RSU1: variants seen among roughly 807,000 people sequenced by gnomAD.
RSU1 encodes Ras suppressor protein 1, also known as rsu-1.
In RSU1, 26 loss-of-function variants were observed where a neutral mutation model predicts 31.1. The ratio of observed to expected loss-of-function variants is 0.84; its 90% CI spans 0.61 to 1.16. The LOEUF is 1.16. RSU1 is among the 50% of genes most tolerant of loss of function. The pLI, the probability that RSU1 is intolerant of heterozygous loss-of-function variation, is 0.00. For missense variants in RSU1, 320 were observed against 339.1 expected, an observed-to-expected ratio of 0.94 and a Z score of 0.44; for synonymous variants, 164 against 136.3, an observed-to-expected ratio of 1.20 and a Z score of -1.41.
At chr10:16,764,334 C>T (rs766524118) in intron 4 of RSU1, 56 bp downstream of exon 4, 135 of 1,509,708 alleles carry the variant, frequency 8.9e-5, no homozygotes, top group Admixed American at 1.6e-4. Context: ...TGGCCTTACC[C>T]GGCATGCCCC....
intron 7 of RSU1, among the ~76,000 whole-genome samples, chr10:16,715,279 T>A (rs1035146967): frequency 6.6e-6 from 1 of 152,236 alleles, no homozygotes; most frequent in African/African-American, 2.4e-5. Context: ...TGATGTTGTC[T>A]TTTGATGCAC....
intron 8 of RSU1, among the ~76,000 whole-genome samples, chr10:16,643,731 G>T (rs554972981): frequency 1.3e-5 from 2 of 152,030 alleles, no homozygotes; most frequent in East Asian, 3.9e-4. Flanking sequence ...CTCCAAATGC[G>T]CATACTAAGA....
At chr10:16,700,693 T>C (rs1835774575) in intron 7 of RSU1, among the ~76,000 whole-genome samples, 1 of 152,108 alleles carries the variant, frequency 6.6e-6, no homozygotes, top group Non-Finnish European at 1.5e-5. Context: ...CTTTACTGAG[T>C]GGAAAATGAT....
chr10:16,714,925 G>C (rs1479179622), intron 7 of RSU1, among the ~76,000 whole-genome samples: 2 of 152,130 alleles, frequency 1.3e-5, no homozygotes, highest in African/African-American at 4.8e-5. Flanking sequence ...GTGAAGTTTA[G>C]GGGACTCCTA....
At chr10:16,721,837 T>C (rs1252348393) in intron 7 of RSU1, 1 of 152,180 alleles carries the variant, frequency 6.6e-6, no homozygotes, top group African/African-American at 2.4e-5. Flanking sequence ...TCTCTGCATC[T>C]CAGTTGCCTC....
At chr10:16,758,301 G>C in intron 4 of RSU1, among the ~76,000 whole-genome samples, 1 of 152,176 alleles carries the variant, frequency 6.6e-6, no homozygotes. Flanking sequence ...TGACATGGTG[G>C]GTTCTCTCTC....
At chr10:16,638,850 T>C (rs1418936294) in intron 8 of RSU1, among the ~76,000 whole-genome samples, 1 of 152,202 alleles carries the variant, frequency 6.6e-6, no homozygotes, top group Admixed American at 6.5e-5. Flanking sequence ...ACTTAAAGAA[T>C]GGATGTAGAC....
intron 2 of RSU1, among the ~76,000 whole-genome samples, chr10:16,798,051 G>A (rs980445557): frequency 8.6e-5 from 13 of 151,726 alleles, no homozygotes; most frequent in African/African-American, 2.9e-4. Context: ...TAGTAGCGAC[G>A]GGGTTTTACC....
chr10:16,742,438 G>A (rs946118067), intron 7 of RSU1, among the ~76,000 whole-genome samples: 7 of 151,790 alleles, frequency 4.6e-5, no homozygotes, highest in Non-Finnish European at 7.4e-5. Flanking sequence ...ACTCACACAC[G>A]CATGCAATAC....
intron 8 of RSU1, among the ~76,000 whole-genome samples, chr10:16,613,424 T>C (rs1470141714): frequency 1.3e-5 from 2 of 152,164 alleles, no homozygotes; most frequent in African/African-American, 4.8e-5. Flanking sequence ...AGTCGGCACC[T>C]TGTTCAGAAA....
At chr10:16,687,823 C>T (rs756979598) in intron 8 of RSU1, among the ~76,000 whole-genome samples, 1 of 152,046 alleles carries the variant, frequency 6.6e-6, no homozygotes, top group Admixed American at 6.5e-5. Flanking sequence ...GGGCTCAAGG[C>T]ATCCTCCCAC....
intron 2 of RSU1, among the ~76,000 whole-genome samples, chr10:16,804,483 G>A (rs187235619): frequency 5.9e-5 from 9 of 152,280 alleles, no homozygotes; most frequent in African/African-American, 1.9e-4. Flanking sequence ...CAGATGTGCT[G>A]AAATCTTCTG....
intron 8 of RSU1, among the ~76,000 whole-genome samples, chr10:16,674,667 G>GA (rs1386168751): frequency 1.7e-4 from 26 of 152,162 alleles, no homozygotes; most frequent in Non-Finnish European, 4.4e-5. Context: ...AGTGATAATG[G>GA]AAAAAACTTT....
chr10:16,707,574 T>G (rs1157044145), intron 7 of RSU1, among the ~76,000 whole-genome samples: 1 of 151,776 alleles, frequency 6.6e-6, no homozygotes, highest in Non-Finnish European at 1.5e-5. Flanking sequence ...AATCAGGTTT[T>G]TTTTTTTTTT....
intron 7 of RSU1, among the ~76,000 whole-genome samples, chr10:16,701,101 A>G (rs1384483227): frequency 3.3e-5 from 5 of 152,238 alleles, no homozygotes; most frequent in Admixed American, 3.3e-4. Context: ...CTGGCAGAGC[A>G]AAGGATAAAC....
intron 7 of RSU1, among the ~76,000 whole-genome samples, chr10:16,697,600 G>A (rs1322744378): frequency 6.6e-6 from 1 of 151,514 alleles, no homozygotes; most frequent in Non-Finnish European, 1.5e-5. Flanking sequence ...GGAGGCGGAG[G>A]TTGCAGTGAG....
At chr10:16,656,649 C>T (rs899370604) in intron 8 of RSU1, among the ~76,000 whole-genome samples, 3 of 152,214 alleles carry the variant, frequency 2.0e-5, no homozygotes, top group African/African-American at 7.2e-5. Flanking sequence ...TATGCACAAG[C>T]ATATGCACAA....
chr10:16,635,363 TATG>T, intron 8 of RSU1, among the ~76,000 whole-genome samples: 1 of 152,334 alleles, frequency 6.6e-6, no homozygotes, highest in East Asian at 1.9e-4. Flanking sequence ...AAAACTCTAA[TATG>T]ATAATACTTT....
chr10:16,817,239 T>TGGGATAGGGCAGG, intron 1 of RSU1, 76 bp downstream of exon 1: 1 of 607,102 alleles, frequency 1.6e-6, no homozygotes, highest in Non-Finnish European at 3.0e-6. Flanking sequence ...GGGGAGGGGA[T>TGGGATAGGGCAGG]GGAGTGGGAA....
Sources: gnomAD v4.1 joint callset for allele counts (sites outside exome capture counted in the v4.1 genomes callset) on GRCh38, gnomAD v4.1.1 for gene constraint, MANE v1.5 for transcripts, NCBI Gene and HGNC (gene_info 2026-07-23, HGNC 2026-07-21) for gene names.